SHISAL1: variants seen among roughly 807,000 people sequenced by gnomAD.
The protein encoded by SHISAL1 is protein shisa-like-1.
SHISAL1 carries 9 observed loss-of-function variants against 22.6 expected under a neutral mutation model. The observed-to-expected ratio is 0.40, with a 90% CI of 0.24 to 0.70. The LOEUF (loss-of-function observed/expected upper bound fraction) is 0.70. SHISAL1 is among the 30% of genes least tolerant of loss of function. SHISAL1 has a pLI of 0.39. For synonymous variants in SHISAL1, 119 were observed against 115.4 expected (o/e 1.03, Z -0.20); for missense variants, 246 against 270.6 (o/e 0.91, Z 0.64).
chr22:44,291,409 C>T (rs2055351644), intron 3 of SHISAL1, among the ~76,000 whole-genome samples: 1 of 152,216 alleles, frequency 6.6e-6, no homozygotes, highest in Non-Finnish European at 1.5e-5. Context: ...TGGCTGCAGG[C>T]AGGGCTTCAC....
intron 1 of SHISAL1, among the ~76,000 whole-genome samples, chr22:44,312,072 G>A (rs2055522829): frequency 6.6e-6 from 1 of 152,156 alleles, no homozygotes; most frequent in African/African-American, 2.4e-5. Flanking sequence ...AGCCTCCCTG[G>A]TCCCCAGAAC....
chr22:44,285,883 G>C, intron 3 of SHISAL1, 138 bp from the exon 4 acceptor site: 2 of 721,206 alleles, frequency 2.8e-6, no homozygotes, highest in South Asian at 3.6e-5. Flanking sequence ...AGCCCCTCTG[G>C]AGGGCGGGGC....
the SHISAL1 span, among the ~76,000 whole-genome samples, chr22:44,330,918 G>A: frequency 6.6e-6 from 1 of 152,092 alleles, no homozygotes; most frequent in African/African-American, 2.4e-5. Flanking sequence ...ACTTGGGAGG[G>A]GTCCTTCTAC....
intron 2 of SHISAL1, among the ~76,000 whole-genome samples, chr22:44,300,116 GAC>G (rs1309026046): frequency 1.4e-5 from 2 of 143,988 alleles, no homozygotes; most frequent in Non-Finnish European, 2.9e-5. Context: ...CAGACAGAGA[GAC>G]AGAGACAGAG....
chr22:44,272,472 C>T (rs1265387775), intron 4 of SHISAL1, among the ~76,000 whole-genome samples: 1 of 152,196 alleles, frequency 6.6e-6, no homozygotes, highest in Non-Finnish European at 1.5e-5. Flanking sequence ...TGCAGCCAGC[C>T]CTCAATAAAT....
At chr22:44,284,047 C>T (rs1392563509) in intron 4 of SHISAL1, among the ~76,000 whole-genome samples, 1 of 152,140 alleles carries the variant, frequency 6.6e-6, no homozygotes, top group Non-Finnish European at 1.5e-5. Flanking sequence ...CAAGGACCCA[C>T]TCTGCCAGCA....
At chr22:44,331,467 G>A in the SHISAL1 span, among the ~76,000 whole-genome samples, 4 of 144,152 alleles carry the variant, frequency 2.8e-5, no homozygotes, top group African/African-American at 1.0e-4. The surrounding 1 kb of genome is among the most constrained non-coding windows in gnomAD (Gnocchi z 5.2). Flanking sequence ...CGCGGCCCCC[G>A]CCCTGCCCGC....
intron 4 of SHISAL1, 21 bp downstream of exon 4, chr22:44,285,407 G>A (rs1436085191): frequency 6.2e-7 from 1 of 1,611,868 alleles, no homozygotes; most frequent in Non-Finnish European, 8.5e-7. Flanking sequence ...ATCATTCTGG[G>A]TCTCAATTGT....
upstream of SHISAL1, among the ~76,000 whole-genome samples, chr22:44,314,481 C>A (rs1008012198): frequency 1.3e-5 from 2 of 152,116 alleles, no homozygotes; most frequent in African/African-American, 4.8e-5. Flanking sequence ...AAGTATGGGT[C>A]CGCCAATGAC....
At chr22:44,300,754 T>G in intron 2 of SHISAL1, 125 bp downstream of exon 2, 4 of 749,116 alleles carry the variant, frequency 5.3e-6, no homozygotes, top group Non-Finnish European at 9.1e-6. Context: ...GGGGTGCCAG[T>G]AAGGTGGAGG....
the SHISAL1 span, among the ~76,000 whole-genome samples, chr22:44,320,258 G>A: frequency 3.9e-5 from 6 of 152,310 alleles, no homozygotes; most frequent in African/African-American, 9.6e-5. Context: ...ACAAACGTCC[G>A]ATCTTAGCCA....
upstream of SHISAL1, among the ~76,000 whole-genome samples, chr22:44,314,392 C>T (rs1009638285): frequency 6.6e-6 from 1 of 152,136 alleles, no homozygotes; most frequent in Non-Finnish European, 1.5e-5. Context: ...TCTCTCTGAG[C>T]CTGGACTGCC....
In SHISAL1 at chr22:44,312,668, G is replaced by A. The variant is rs78748563; in HGVS notation, c.-33+83C>T. On this transcript the variant is annotated intron_variant, in intron 1 of 4. Coordinates refer to ENST00000381176, the MANE Select transcript of SHISAL1 (RefSeq NM_001099294.2). ...CCCTTAGACCCAGTGCTTAGCCAGG[G>A]CAGGGACCCCAGGGTCAGCGTGAAG... The A allele has an allele frequency of 4.5e-3, 686 of 152,398 alleles. 2 individuals carry two copies. Among genetic ancestry groups the A allele is most frequent in the Middle Eastern group, 0.014 (4 of 294 alleles). The allele number at this position is 152,398 out of a possible 1,614,324, so 9.4% of individuals were successfully genotyped here.
intron 4 of SHISAL1, among the ~76,000 whole-genome samples, chr22:44,274,960 G>A (rs2055229557): frequency 6.6e-6 from 1 of 152,188 alleles, no homozygotes. Context: ...GGAACACTGA[G>A]GCTCAGGGGA....
chr22:44,331,644 G>C, the SHISAL1 span, among the ~76,000 whole-genome samples: 1 of 148,648 alleles, frequency 6.7e-6, no homozygotes, highest in Non-Finnish European at 1.5e-5. The surrounding 1 kb of genome is among the most constrained non-coding windows in gnomAD (Gnocchi z 5.2). Context: ...CTGCGGGGAC[G>C]CGGGGACTCC....
chr22:44,302,657 A>G (rs566682776), intron 1 of SHISAL1, among the ~76,000 whole-genome samples: 381 of 146,566 alleles, frequency 2.6e-3, no homozygotes, highest in African/African-American at 9.3e-3. Flanking sequence ...AGGAGGCAGC[A>G]GGGGCAAAGG....
At chr22:44,253,600 T>A (rs1046671944) in intron 4 of SHISAL1, among the ~76,000 whole-genome samples, 9 of 126,332 alleles carry the variant, frequency 7.1e-5, no homozygotes, top group African/African-American at 1.4e-4. Context: ...TGGCTAATTT[T>A]TTTTTTTTTT....
chr22:44,327,363 C>T, the SHISAL1 span, among the ~76,000 whole-genome samples: 1,443 of 152,050 alleles, frequency 9.5e-3, 24 homozygotes, highest in African/African-American at 0.033. Context: ...AACGAGAAAA[C>T]CTGGGCTTGT....
At chr22:44,268,074 C>T (rs1392753961) in intron 4 of SHISAL1, among the ~76,000 whole-genome samples, 1 of 152,200 alleles carries the variant, frequency 6.6e-6, no homozygotes, top group East Asian at 1.9e-4. Context: ...TTGTAGCCTT[C>T]CTTCCTGTCA....
Sources: allele counts gnomAD v4.1 joint callset (sites outside exome capture counted in the v4.1 genomes callset), GRCh38; gene constraint gnomAD v4.1.1; non-coding constraint Gnocchi (gnomAD v3.1); transcripts MANE v1.5; gene names NCBI Gene and HGNC (gene_info 2026-07-23, HGNC 2026-07-21).